The following DNAAF10 variants were observed in gnomAD, a reference collection of about 807,000 sequenced individuals.
The protein encoded by DNAAF10 is dynein axonemal assembly factor 10.
Under a neutral mutation model 43.7 loss-of-function variants are expected in DNAAF10, and 28 were observed. The ratio of observed to expected loss-of-function variants is 0.64; its 90% CI spans 0.48 to 0.88. The LOEUF (loss-of-function observed/expected upper bound fraction) is 0.88. Among genes scored for constraint, DNAAF10 ranks in the 40% least tolerant of loss-of-function variants. The pLI is 0.00. For missense variants in DNAAF10, 403 were observed against 439.1 expected, an observed-to-expected ratio of 0.92 and a Z score of 0.73; for synonymous variants, 156 against 157.3, an observed-to-expected ratio of 0.99 and a Z score of 0.06.
intron 1 of DNAAF10, chr2:68,157,032 A>C: frequency 1.6e-6 from 1 of 617,992 alleles, no homozygotes; most frequent in Non-Finnish European, 2.8e-6. Flanking sequence ...CTTTGGCTGG[A>C]CTGCACTGGG....
At chr2:68,133,387 C>G (rs1672965447) in intron 7 of DNAAF10, among the ~76,000 whole-genome samples, 1 of 152,030 alleles carries the variant, frequency 6.6e-6, no homozygotes, top group Non-Finnish European at 1.5e-5. Context: ...GGACGTGTGC[C>G]ACCACGCCCG....
chr2:68,137,229 C>G, intron 6 of DNAAF10, 70 bp downstream of exon 6: 1 of 1,473,122 alleles, frequency 6.8e-7, no homozygotes, highest in Non-Finnish European at 9.0e-7. Context: ...ACCTTGGTGA[C>G]TAATTCTACT....
Position 68,157,279 on chromosome 2 carries a change from G to A in DNAAF10, c.165C>T (p.Asp55=), listed in dbSNP as rs774880072. 12 of 1,613,766 alleles carry A rather than the reference G, an allele frequency of 7.4e-6. No homozygotes were observed. Among genetic ancestry groups the A allele is most frequent in the African/African-American group, 1.3e-5 (1 of 74,916 alleles). ...CACCCACCTCCCGAAGCAGCTTCAG[G>A]TCCCCGTGCTGGATCTCGTACAGCT... ...VIQLYEIQHG[D]LKLLREIEKA... Residue 55 remains aspartate, a synonymous_variant, in exon 1 of 8, where the codon GAC becomes GAT. Transcript: ENST00000295121.
intron 5 of DNAAF10, 25 bp downstream of exon 5, chr2:68,138,717 C>G (rs1673104391): frequency 6.4e-7 from 1 of 1,554,904 alleles, no homozygotes; most frequent in African/African-American, 1.4e-5. Context: ...TCAGAGAAAC[C>G]AAAAAGCCTC....
In DNAAF10 at chr2:68,141,751, C is replaced by T. The variant is rs962730169; in HGVS notation, c.460G>A (p.Ala154Thr). The T allele has an allele frequency of 1.2e-6, 2 of 1,614,140 alleles. No homozygotes were observed. Among genetic ancestry groups the T allele is most frequent in the Non-Finnish European group, 1.7e-6 (2 of 1,180,008 alleles). The change falls in exon 4 of 8, where the codon GCT (alanine) becomes ACT (threonine). Residue 154 changes from alanine (A) to threonine (T), a missense_variant. Physicochemically the swap from Ala to Thr is moderately conservative, Grantham distance 58 (BLOSUM62 0). Coordinates refer to ENST00000295121, the MANE Select transcript of DNAAF10 (RefSeq NM_138458.4). ...WDPRQKDDPV[A>T]NMEPVQGENK... ...TCTCCTTGTACAGGTTCCATATTAGCAACAGGATCATCTTTTTGCCTTGGG... is the reference window on the plus strand; with the variant it reads ...TCTCCTTGTACAGGTTCCATATTAGTAACAGGATCATCTTTTTGCCTTGGG...
chr2:68,141,927 T>C (rs892988703), intron 3 of DNAAF10, 132 bp from the exon 4 acceptor site: 19 of 713,044 alleles, frequency 2.7e-5, no homozygotes, highest in African/African-American at 2.7e-4. Context: ...AATATCCACA[T>C]TGTTCTGACT....
At chr2:68,143,077 A>G (rs759871950) in intron 3 of DNAAF10, among the ~76,000 whole-genome samples, 1 of 151,946 alleles carries the variant, frequency 6.6e-6, no homozygotes, top group Middle Eastern at 3.4e-3. Flanking sequence ...GGGTCTCCCT[A>G]TGTTGCCCAA....
At chr2:68,145,560 T>C (rs577237164) in intron 2 of DNAAF10, among the ~76,000 whole-genome samples, 6 of 152,348 alleles carry the variant, frequency 3.9e-5, no homozygotes, top group African/African-American at 7.2e-5. Context: ...GTTTACTTTG[T>C]ACACATTTCT....
intron 1 of DNAAF10, among the ~76,000 whole-genome samples, chr2:68,153,013 G>A (rs1172132021): frequency 1.1e-4 from 17 of 152,100 alleles, no homozygotes; most frequent in South Asian, 2.1e-4. Context: ...CTACAACTGT[G>A]TTTCCATTTT....
chr2:68,138,941 T>C lies in DNAAF10; in HGVS notation c.518-84A>G. 5.4e-6 allele frequency: 5 copies of C among 918,002 alleles called. No homozygotes were observed. In the Admixed American group the frequency reaches 9.7e-5, roughly 18 times the overall value. 56.9% of individuals were successfully genotyped at this position (918,002 alleles called of 1,614,324 possible). On this transcript the variant is annotated intron_variant, in intron 4 of 7. Coordinates refer to ENST00000295121, the MANE Select transcript of DNAAF10 (RefSeq NM_138458.4). ...TTAAAAAAGTCTTATGAAACTAACA[T>C]AAAACTTATATTAAATCAGATCTTA...
In DNAAF10 at chr2:68,147,571, C is replaced by T; in HGVS notation, c.184-4G>A. The T allele has an allele frequency of 1.2e-6, 2 of 1,601,008 alleles. No homozygotes were observed. The highest frequency in any genetic ancestry group is 1.7e-6 in the Non-Finnish European group (2 of 1,172,046). ...TAATAGGTTTGGCCTTTTCAATCTTCATAGAAGGGAGGAAGAGAGGATATA... is the reference window on the plus strand; with the variant it reads ...TAATAGGTTTGGCCTTTTCAATCTTTATAGAAGGGAGGAAGAGAGGATATA... On this transcript the variant is annotated splice_polypyrimidine_tract_variant and splice_region_variant and intron_variant, in intron 1 of 7. Coordinates refer to ENST00000295121, the MANE Select transcript of DNAAF10 (RefSeq NM_138458.4).
In DNAAF10 at chr2:68,157,445, G is replaced by T; in HGVS notation, c.-2C>A. On this transcript the variant is annotated 5_prime_UTR_variant, in exon 1 of 8. Transcript: ENST00000295121. ...CTGAGGCTTCTCGAAGGCCGACATG[G>T]TGCAGCCAATTTCAGCTACGGCAAC... 1 of 1,614,118 alleles carries T rather than the reference G, an allele frequency of 6.2e-7. No individual in the cohort carries two copies. Among genetic ancestry groups the T allele is most frequent in the Middle Eastern group, 1.6e-4 (1 of 6,062 alleles).
chr2:68,142,083 G>A (rs375783789), intron 3 of DNAAF10, among the ~76,000 whole-genome samples: 1 of 152,254 alleles, frequency 6.6e-6, no homozygotes, highest in Middle Eastern at 3.4e-3. Context: ...AAATGTGAAT[G>A]TTACGTAATT....
rs537639490 is a variant in DNAAF10 at position 68,150,011 on chromosome 2, G to C, written c.184-2444C>G. Reference sequence around the variant, plus strand: ...TCTCAGAGAAGCACTGGGAAGACTGGTCTCCCATTTTCTTCCCACCAACCA... The same window carrying C: ...TCTCAGAGAAGCACTGGGAAGACTGCTCTCCCATTTTCTTCCCACCAACCA... On this transcript the variant is annotated intron_variant, in intron 1 of 7. Coordinates refer to ENST00000295121, the MANE Select transcript of DNAAF10 (RefSeq NM_138458.4). Among the ~76,000 whole-genome samples, 10 of 152,262 alleles carry C rather than the reference G, an allele frequency of 6.6e-5. No homozygotes were observed. The South Asian group carries it at 2.1e-3, about 32-fold the overall frequency.
At chr2:68,137,235 C>T in intron 6 of DNAAF10, 64 bp downstream of exon 6, 1 of 1,495,856 alleles carries the variant, frequency 6.7e-7, no homozygotes, top group Non-Finnish European at 8.9e-7. Flanking sequence ...GTGACTAATT[C>T]TACTTATCAG....
intron 7 of DNAAF10, chr2:68,134,076 C>G: frequency 1.1e-6 from 1 of 942,998 alleles, no homozygotes; most frequent in Non-Finnish European, 1.3e-6. Context: ...TTCAGAAATA[C>G]CATTAACTCA....
Position 68,134,755 on chromosome 2 carries a change from G to A in DNAAF10, c.813C>T (p.Asn271=). The part of the protein sequence containing the change: ...TVWQVRHLPQ[N]RELFLTAGGA... ...CTCCAGCTGTCAGAAAGAGCTCCCT[G>A]TTCTGCGGCAGGTGTCGGACCTGCC... Residue 271 remains asparagine (N), a synonymous_variant, in exon 7 of 8, where the codon AAC becomes AAT. Coordinates refer to ENST00000295121, the MANE Select transcript of DNAAF10 (RefSeq NM_138458.4). 1 of 1,610,278 alleles carries A rather than the reference G, an allele frequency of 6.2e-7. No homozygotes were observed. Among genetic ancestry groups the A allele is most frequent in the Non-Finnish European group, 8.5e-7 (1 of 1,179,194 alleles).
chr2:68,150,455 G>A (rs1378105521), intron 1 of DNAAF10, among the ~76,000 whole-genome samples: 1 of 152,234 alleles, frequency 6.6e-6, no homozygotes, highest in African/African-American at 2.4e-5. Context: ...AACTTGGACT[G>A]TGTGCAGTGG....
At chr2:68,150,899 T>C (rs1031223386) in intron 1 of DNAAF10, among the ~76,000 whole-genome samples, 1 of 152,216 alleles carries the variant, frequency 6.6e-6, no homozygotes, top group African/African-American at 2.4e-5. Flanking sequence ...TGTGCAGAGA[T>C]AGAACTGACT....
Sources: gnomAD v4.1 joint callset for allele counts (sites outside exome capture counted in the v4.1 genomes callset) on GRCh38, gnomAD v4.1.1 for gene constraint, MANE v1.5 for transcripts, NCBI Gene and HGNC (gene_info 2026-07-23, HGNC 2026-07-21) for gene names.